PAPPA2: variants seen among roughly 807,000 people sequenced by gnomAD.
The protein encoded by PAPPA2 is pappalysin 2.
A neutral mutation model predicts 176.4 loss-of-function variants in PAPPA2; 86 were observed. The observed-to-expected ratio is 0.49, with a 90% CI of 0.41 to 0.58. PAPPA2 has a LOEUF of 0.58. Ranked by LOEUF, PAPPA2 falls within the 20% of genes least tolerant of loss-of-function variation. The probability of loss-of-function intolerance (pLI) is 0.00; values close to 1 mark genes in which losing one functional copy is unlikely to be tolerated. For synonymous variants in PAPPA2, 809 were observed against 852.2 expected (o/e 0.95, Z 0.88); for missense variants, 2,073 against 2,256.9 (o/e 0.92, Z 1.65).
chr1:176,545,378 CTG>C (rs993866737), intron 1 of PAPPA2, among the ~76,000 whole-genome samples: 1 of 151,734 alleles, frequency 6.6e-6, no homozygotes, highest in African/African-American at 2.4e-5. Flanking sequence ...CTCTGTATAA[CTG>C]TGTTCCTCAT....
intron 9 of PAPPA2, among the ~76,000 whole-genome samples, chr1:176,705,206 A>G (rs1023096101): frequency 2.0e-5 from 3 of 152,176 alleles, no homozygotes; most frequent in Non-Finnish European, 1.5e-5. Context: ...ATTGAACCAC[A>G]TTGCATTTAT....
At chr1:176,515,439 A>G (rs1648855538) in intron 1 of PAPPA2, among the ~76,000 whole-genome samples, 1 of 152,152 alleles carries the variant, frequency 6.6e-6, no homozygotes, top group Non-Finnish European at 1.5e-5. Flanking sequence ...GATCACCCAG[A>G]CTTTTTAAAA....
At position 176,670,821 on chromosome 1, in the gene PAPPA2, G is replaced by A. The variant is rs550333094; in HGVS notation, c.1992-149G>A. Reference sequence around the variant, plus strand: ...ATGTGTATTAGTGCCTTTTCTTCTGGTCTTCATGACAGGCTGGTCTCTGCC... The same window carrying A: ...ATGTGTATTAGTGCCTTTTCTTCTGATCTTCATGACAGGCTGGTCTCTGCC... On this transcript the variant is annotated intron_variant, in intron 3 of 22. Coordinates refer to ENST00000367662, the MANE Select transcript of PAPPA2 (RefSeq NM_020318.3). 54 of 884,508 alleles carry A rather than the reference G, an allele frequency of 6.1e-5. No individual in the cohort carries two copies. The African/African-American group carries it at 8.2e-4, about 13-fold the overall frequency. The allele number at this position is 884,508 out of a possible 1,614,324, so 54.8% of individuals were successfully genotyped here. A position where few individuals can be genotyped will look rare whatever the true frequency, so the allele number is the denominator to read the frequency against.
chr1:176,518,475 A>G (rs1045445661), intron 1 of PAPPA2, among the ~76,000 whole-genome samples: 3 of 151,928 alleles, frequency 2.0e-5, no homozygotes, highest in African/African-American at 7.3e-5. Context: ...AAAAACAAAC[A>G]AACTTACCAG....
At chr1:176,732,539 TAGAC>T (rs1662211300) in intron 12 of PAPPA2, among the ~76,000 whole-genome samples, 1 of 152,184 alleles carries the variant, frequency 6.6e-6, no homozygotes, top group African/African-American at 2.4e-5. Context: ...ATTACAATCT[TAGAC>T]TACTAAGTGC....
At chr1:176,472,600 G>A (rs974368413) in intron 1 of PAPPA2, among the ~76,000 whole-genome samples, 7 of 152,072 alleles carry the variant, frequency 4.6e-5, no homozygotes, top group South Asian at 2.1e-4. Context: ...TGTTTATCCC[G>A]ATTGTGTTGA....
At chr1:176,495,447 G>A (rs1055004204) in intron 1 of PAPPA2, among the ~76,000 whole-genome samples, 1 of 151,440 alleles carries the variant, frequency 6.6e-6, no homozygotes, top group African/African-American at 2.4e-5. Flanking sequence ...GGCTGAGGCA[G>A]CAGAATCGCT....
In PAPPA2 at chr1:176,616,581, A is replaced by G. The variant is rs1010600395; in HGVS notation, c.1991+20986A>G. Reference sequence around the variant, plus strand: ...GTTGGATGGTGGTGCACCATCACCAAAAGGCCAATTGAGAACATGGATACC... The same window carrying G: ...GTTGGATGGTGGTGCACCATCACCAGAAGGCCAATTGAGAACATGGATACC... On this transcript the variant is annotated intron_variant, in intron 3 of 22. Transcript: ENST00000367662. 2.6e-6 allele frequency: 4 copies of G among 1,540,428 alleles called. No homozygotes were observed. The African/African-American group carries it at 5.5e-5, about 21-fold the overall frequency.
chr1:176,794,349 T>G (rs963008535), intron 20 of PAPPA2, among the ~76,000 whole-genome samples: 17 of 152,300 alleles, frequency 1.1e-4, no homozygotes, highest in African/African-American at 3.6e-4. Context: ...ATGGTTGTTA[T>G]TAAATTTAAA....
At chr1:176,512,911 A>T (rs970755102) in intron 1 of PAPPA2, among the ~76,000 whole-genome samples, 1 of 152,204 alleles carries the variant, frequency 6.6e-6, no homozygotes, top group Non-Finnish European at 1.5e-5. Flanking sequence ...TATCAGACTG[A>T]GTGCCATTCT....
chr1:176,525,009 T>C (rs1422014176), intron 1 of PAPPA2, among the ~76,000 whole-genome samples: 1 of 152,070 alleles, frequency 6.6e-6, no homozygotes, highest in Non-Finnish European at 1.5e-5. Flanking sequence ...GCCACTGCAC[T>C]CCAGCCTGGC....
Position 176,710,158 on chromosome 1 carries a change from T to C in PAPPA2, c.3633T>C (p.Thr1211=). The C allele has an allele frequency of 6.2e-7, 1 of 1,613,450 alleles. No individual in the cohort carries two copies. The highest frequency in any genetic ancestry group is 1.1e-5 in the South Asian group (1 of 90,996). ...DKKKCPVSLV[T]GEPHSLICTS... Reference sequence around the variant, plus strand: ...AGAAGTGTCCTGTTTCCTTGGTAACTGGAGAACCTCATTCCCTAGTAAGTT... The same window carrying C: ...AGAAGTGTCCTGTTTCCTTGGTAACCGGAGAACCTCATTCCCTAGTAAGTT... Residue 1211 remains threonine (T), a synonymous_variant, in exon 11 of 23, where the codon ACT becomes ACC. Transcript: ENST00000367662.
chr1:176,714,329 A>T (rs1232777285), intron 12 of PAPPA2, among the ~76,000 whole-genome samples: 2 of 152,124 alleles, frequency 1.3e-5, no homozygotes, highest in East Asian at 3.9e-4. Flanking sequence ...ATTCCAAATT[A>T]TAAAAATAAA....
intron 14 of PAPPA2, among the ~76,000 whole-genome samples, chr1:176,756,365 G>A (rs1242053818): frequency 6.6e-6 from 1 of 152,204 alleles, no homozygotes; most frequent in East Asian, 1.9e-4. Flanking sequence ...TGGTTCTGCT[G>A]TCTCAAGGTT....
chr1:176,840,105 A>T (rs1197909709), intron 21 of PAPPA2, 68 bp from the exon 22 acceptor site: 1 of 1,238,244 alleles, frequency 8.1e-7, no homozygotes. Context: ...CTGGGATGGG[A>T]GGAGTGGCAG....
chr1:176,779,157 G>A (rs1242067455), intron 17 of PAPPA2, among the ~76,000 whole-genome samples: 5 of 152,096 alleles, frequency 3.3e-5, no homozygotes, highest in African/African-American at 4.8e-5. Flanking sequence ...CTATTAATCA[G>A]AGTACATTTT....
At chr1:176,566,474 GA>G (rs1193308767) in intron 2 of PAPPA2, among the ~76,000 whole-genome samples, 2 of 152,170 alleles carry the variant, frequency 1.3e-5, no homozygotes, top group Non-Finnish European at 2.9e-5. Context: ...TGCAGTGGAT[GA>G]GGCTTTGACT....
chr1:176,473,072 T>C (rs1651955354), intron 1 of PAPPA2, among the ~76,000 whole-genome samples: 1 of 152,204 alleles, frequency 6.6e-6, no homozygotes, highest in Non-Finnish European at 1.5e-5. Flanking sequence ...GGTTCACTTT[T>C]GGTGCTTACA....
intron 21 of PAPPA2, among the ~76,000 whole-genome samples, chr1:176,815,605 G>A (rs1003867830): frequency 2.2e-4 from 34 of 152,128 alleles, no homozygotes; most frequent in African/African-American, 8.2e-4. Flanking sequence ...ATTTTGCCAA[G>A]GTTAAGGATG....
Sources: gnomAD v4.1 joint callset for allele counts (sites outside exome capture counted in the v4.1 genomes callset) on GRCh38, gnomAD v4.1.1 for gene constraint, MANE v1.5 for transcripts, NCBI Gene and HGNC (gene_info 2026-07-23, HGNC 2026-07-21) for gene names.